PDZRN4: variants seen among roughly 807,000 people sequenced by gnomAD.
PDZRN4 encodes the protein PDZ domain containing ring finger 4.
In PDZRN4, 70 loss-of-function variants were observed where a neutral mutation model predicts 99.0. The ratio of observed to expected loss-of-function variants is 0.71; its 90% CI spans 0.58 to 0.86. PDZRN4 has a LOEUF of 0.86. PDZRN4 is among the 40% of genes least tolerant of loss of function. The pLI is 0.00. For synonymous variants in PDZRN4, 551 were observed against 501.6 expected, an observed-to-expected ratio of 1.10 and a Z score of -1.32; for missense variants, 1,474 against 1,331.2, an observed-to-expected ratio of 1.11 and a Z score of -1.67.
chr12:41,529,686 C>T (rs1938626856), intron 5 of PDZRN4, among the ~76,000 whole-genome samples: 1 of 152,210 alleles, frequency 6.6e-6, no homozygotes. Context: ...AAACTATTTT[C>T]CTGACTCTAC....
intron 3 of PDZRN4, among the ~76,000 whole-genome samples, chr12:41,466,675 G>A (rs1952928521): frequency 6.6e-6 from 1 of 151,484 alleles, no homozygotes; most frequent in Non-Finnish European, 1.5e-5. Context: ...TAGAAGGGTT[G>A]GACAAAGTAA....
At chr12:41,261,647 G>A (rs150980609) in intron 3 of PDZRN4, among the ~76,000 whole-genome samples, 1,787 of 152,050 alleles carry the variant, frequency 0.012, 54 homozygotes, top group East Asian at 0.11. Flanking sequence ...GCACCACCTC[G>A]CCCAGCTAAT....
intron 3 of PDZRN4, among the ~76,000 whole-genome samples, chr12:41,275,693 A>G (rs1951345838): frequency 6.6e-6 from 1 of 152,198 alleles, no homozygotes; most frequent in African/African-American, 2.4e-5. Context: ...AGGGATTATT[A>G]CATATAAGGC....
Position 41,561,897 on chromosome 12 carries a change from TA to T in PDZRN4, c.1366-1650del, listed in dbSNP as rs144524500. Among the ~76,000 whole-genome samples the T allele has an allele frequency of 3.6e-3, 546 of 152,160 alleles. 17 individuals carry two copies. In the East Asian group the frequency reaches 0.093, roughly 26 times the overall value. On this transcript the variant is annotated intron_variant, in intron 7 of 9. Transcript: ENST00000402685. ...GTCATTATTTTAAAACTACACTTAA[TA>T]GAGGGTAGGGGAAGTATAGTGGAAT...
intron 6 of PDZRN4, among the ~76,000 whole-genome samples, chr12:41,554,818 T>C (rs1016162359): frequency 2.6e-5 from 4 of 151,612 alleles, no homozygotes; most frequent in African/African-American, 9.7e-5. Context: ...TGCGTGTGTG[T>C]GTATGTGTGT....
chr12:41,401,506 C>A (rs1952288247), intron 3 of PDZRN4, among the ~76,000 whole-genome samples: 1 of 152,168 alleles, frequency 6.6e-6, no homozygotes, highest in Non-Finnish European at 1.5e-5. Flanking sequence ...ATCGAGTCAG[C>A]AACCTCAGAA....
At chr12:41,265,510 G>T (rs916626013) in intron 3 of PDZRN4, among the ~76,000 whole-genome samples, 1 of 152,154 alleles carries the variant, frequency 6.6e-6, no homozygotes, top group Non-Finnish European at 1.5e-5. Flanking sequence ...AATCCTGCAG[G>T]TTAGATTAAA....
At chr12:41,530,999 T>C (rs1938651334) in intron 5 of PDZRN4, among the ~76,000 whole-genome samples, 1 of 151,878 alleles carries the variant, frequency 6.6e-6, no homozygotes, top group Admixed American at 6.5e-5. Context: ...TAGGGGTAGA[T>C]ATTTACAGCT....
In PDZRN4 at chr12:41,235,504, A is replaced by G. The variant is rs1256438870; in HGVS notation, c.843+41316A>G. On this transcript the variant is annotated intron_variant, in intron 3 of 9. Coordinates refer to ENST00000402685, the MANE Select transcript of PDZRN4 (RefSeq NM_001164595.2). ...AGGCAGACTTCACCCATGAAGGATC[A>G]GGGAGTGAGTTCCTATGCACACAGT... is the stretch of plus-strand genomic sequence containing the variant. 2.0e-5 allele frequency among the ~76,000 whole-genome samples: 3 copies of G among 152,330 alleles called. No homozygotes were observed. In the East Asian group the frequency reaches 5.8e-4, roughly 29 times the overall value.
intron 3 of PDZRN4, among the ~76,000 whole-genome samples, chr12:41,293,004 A>G (rs2120912976): frequency 6.6e-6 from 1 of 151,300 alleles, no homozygotes; most frequent in East Asian, 2.0e-4. Context: ...CTCCACTAAC[A>G]TCTTGGAGGC....
At position 41,573,466 on chromosome 12, in the gene PDZRN4, A is replaced by G. The variant is rs1209175162; in HGVS notation, c.2687A>G (p.Asp896Gly). ...KMEWKVKIRS[D>G]GTRYITKRPV... ...GAATGGAAGGTGAAAATTAGGAGCG[A>G]CGGGACACGGTACATCACAAAGAGA... The change falls in exon 10 of 10, where the codon GAC becomes GGC. Residue 896 changes from aspartate to glycine, a missense_variant. Transcript: ENST00000402685. The G allele has an allele frequency of 6.2e-7, 1 of 1,613,998 alleles. No individual in the cohort carries two copies. The highest frequency in any genetic ancestry group is 1.7e-5 in the Admixed American group (1 of 60,020).
At chr12:41,219,969 A>G (rs1950943319) in intron 3 of PDZRN4, among the ~76,000 whole-genome samples, 1 of 152,096 alleles carries the variant, frequency 6.6e-6, no homozygotes, top group Non-Finnish European at 1.5e-5. Context: ...AATCCATGGG[A>G]GTGCTTTCTG....
intron 3 of PDZRN4, among the ~76,000 whole-genome samples, chr12:41,207,188 A>G (rs576268094): frequency 3.3e-5 from 5 of 151,882 alleles, no homozygotes; most frequent in Admixed American, 2.0e-4. Context: ...TTTATAATGC[A>G]TATCTTTTCT....
chr12:41,445,602 A>T (rs1952719136), intron 3 of PDZRN4, among the ~76,000 whole-genome samples: 1 of 152,094 alleles, frequency 6.6e-6, no homozygotes, highest in South Asian at 2.1e-4. Context: ...GAATTAAATC[A>T]CTAGGTAGTC....
intron 5 of PDZRN4, among the ~76,000 whole-genome samples, chr12:41,537,475 C>G (rs527511513): frequency 7.1e-4 from 108 of 152,044 alleles, no homozygotes; most frequent in African/African-American, 2.5e-3. Flanking sequence ...AAGAGGAATC[C>G]CTACAACAGA....
chr12:41,266,982 C>G (rs1951281524), intron 3 of PDZRN4, among the ~76,000 whole-genome samples: 2 of 152,128 alleles, frequency 1.3e-5, no homozygotes, highest in African/African-American at 2.4e-5. Context: ...TCCATCTATA[C>G]AGTTAGACGA....
chr12:41,232,215 G>T (rs1242842289), intron 3 of PDZRN4, among the ~76,000 whole-genome samples: 1 of 151,980 alleles, frequency 6.6e-6, no homozygotes, highest in African/African-American at 2.4e-5. Context: ...TTAATGAAAT[G>T]CTGTCTTCAT....
At chr12:41,239,028 G>A (rs1046121104) in intron 3 of PDZRN4, among the ~76,000 whole-genome samples, 2 of 152,088 alleles carry the variant, frequency 1.3e-5, no homozygotes, top group African/African-American at 4.8e-5. Context: ...ATTCTTTGCA[G>A]CACTATTCAC....
At chr12:41,332,744 T>TA (rs3046824) in intron 3 of PDZRN4, among the ~76,000 whole-genome samples, 6,873 of 118,052 alleles carry the variant, frequency 0.058, 210 homozygotes, top group South Asian at 0.13. Context: ...AGAGGAGGAT[T>TA]AAAAAAAAAA....
Sources: allele counts gnomAD v4.1 joint callset (sites outside exome capture counted in the v4.1 genomes callset), GRCh38; gene constraint gnomAD v4.1.1; transcripts MANE v1.5; gene names NCBI Gene and HGNC (gene_info 2026-07-23, HGNC 2026-07-21).